The following AMPH variants were observed in gnomAD, a reference collection of about 807,000 sequenced individuals.
AMPH encodes amphiphysin.
AMPH carries 49 observed loss-of-function variants against 99.1 expected under a neutral mutation model. The observed-to-expected ratio is 0.49, with a 90% confidence interval of 0.39 to 0.63. The LOEUF is 0.63. Among genes scored for constraint, AMPH ranks in the 20% least tolerant of loss-of-function variants. The probability of loss-of-function intolerance (pLI) is 0.00; values close to 1 mark genes in which losing one functional copy is unlikely to be tolerated. For synonymous variants in AMPH, 314 were observed against 317.3 expected (o/e 0.99, Z 0.11); for missense variants, 759 against 863.4 (o/e 0.88, Z 1.52).
Position 38,494,559 on chromosome 7 carries a change from C to T in AMPH, c.206-32G>A, listed in dbSNP as rs1193255889. ...TTGGAGAGAAACAACTCCCGTTACA[C>T]AGAAATGAGTGAGGATTCTCTTCTC... On this transcript the variant is annotated intron_variant, in intron 3 of 20. Coordinates refer to ENST00000356264, the MANE Select transcript of AMPH (RefSeq NM_001635.4). The T allele has an allele frequency of 3.8e-6, 6 of 1,573,576 alleles. No homozygotes were observed. The Admixed American group carries it at 1.0e-4, about 26-fold the overall frequency.
At chr7:38,454,009 C>A (rs1325628847) in intron 11 of AMPH, among the ~76,000 whole-genome samples, 1 of 152,234 alleles carries the variant, frequency 6.6e-6, no homozygotes, top group Non-Finnish European at 1.5e-5. Flanking sequence ...GGCACTAAGA[C>A]AGCTATCCCT....
At chr7:38,586,563 C>CAAAT (rs1562845621) in intron 1 of AMPH, among the ~76,000 whole-genome samples, 1 of 151,582 alleles carries the variant, frequency 6.6e-6, no homozygotes, top group Non-Finnish European at 1.5e-5. Context: ...GATCTTTTCT[C>CAAAT]ATATATATAT....
chr7:38,572,645 T>G (rs1468071268), intron 1 of AMPH, among the ~76,000 whole-genome samples: 1 of 152,158 alleles, frequency 6.6e-6, no homozygotes, highest in Admixed American at 6.5e-5. Flanking sequence ...TGAAAGAAGC[T>G]GGCACCAGAA....
intron 1 of AMPH, among the ~76,000 whole-genome samples, chr7:38,540,174 G>T (rs536683312): frequency 6.6e-6 from 1 of 152,272 alleles, no homozygotes. Flanking sequence ...TCAGTGCCTC[G>T]TGCATTTTGG....
chr7:38,433,175 G>T lies in AMPH; in HGVS notation c.1135-963C>A, dbSNP rs149985125. ...GTTGAGATTGCAGAGGCCTCATTTG[G>T]GCTCCGTATTATAGAAAGCAGGCCC... On this transcript the variant is annotated intron_variant, in intron 12 of 20. Coordinates refer to ENST00000356264, the MANE Select transcript of AMPH (RefSeq NM_001635.4). Among the ~76,000 whole-genome samples the T allele has an allele frequency of 9.7e-4, 147 of 152,212 alleles. 1 individual carries two copies. The highest frequency in any genetic ancestry group is 3.3e-3 in the African/African-American group (139 of 41,532).
intron 1 of AMPH, among the ~76,000 whole-genome samples, chr7:38,570,287 A>G (rs921089185): frequency 1.3e-5 from 2 of 152,214 alleles, no homozygotes; most frequent in Admixed American, 1.3e-4. Flanking sequence ...TTTATTTTGC[A>G]GATTAGTGAG....
intron 2 of AMPH, among the ~76,000 whole-genome samples, chr7:38,518,044 C>T (rs1015608096): frequency 1.3e-5 from 2 of 152,144 alleles, no homozygotes; most frequent in Non-Finnish European, 2.9e-5. Context: ...GACTCTGCTC[C>T]CCACTTCTCA....
chr7:38,543,709 A>C (rs962114752), intron 1 of AMPH, among the ~76,000 whole-genome samples: 1 of 152,166 alleles, frequency 6.6e-6, no homozygotes, highest in African/African-American at 2.4e-5. Context: ...AGTTTATGTA[A>C]GGCTAGGATT....
chr7:38,429,898 C>T (rs375405971), intron 13 of AMPH, 33 bp from the exon 14 acceptor site: 58 of 1,590,212 alleles, frequency 3.6e-5, no homozygotes, highest in South Asian at 9.1e-5. Flanking sequence ...AACAATAAGG[C>T]GAGAGAGAAA....
chr7:38,606,270 G>A (rs750408291), intron 1 of AMPH, among the ~76,000 whole-genome samples: 12 of 152,114 alleles, frequency 7.9e-5, no homozygotes, highest in Non-Finnish European at 1.8e-4. Context: ...GTGTAACTCA[G>A]GGGTATTTAG....
At chr7:38,477,944 G>A (rs1232147218) in intron 5 of AMPH, among the ~76,000 whole-genome samples, 1 of 152,054 alleles carries the variant, frequency 6.6e-6, no homozygotes, top group East Asian at 1.9e-4. Flanking sequence ...CCCAAGACCT[G>A]ACTCCTACAA....
At chr7:38,525,905 G>A (rs1015940491) in intron 2 of AMPH, among the ~76,000 whole-genome samples, 3 of 152,144 alleles carry the variant, frequency 2.0e-5, no homozygotes, top group South Asian at 4.1e-4. Flanking sequence ...AGCTGCTAAG[G>A]GCATTTGTGA....
intron 3 of AMPH, among the ~76,000 whole-genome samples, chr7:38,496,514 C>T (rs796333210): frequency 6.6e-6 from 1 of 152,146 alleles, no homozygotes; most frequent in South Asian, 2.1e-4. Context: ...TGACTCAAGA[C>T]TCTGGGGACT....
At chr7:38,454,822 T>C (rs1022454254) in intron 11 of AMPH, among the ~76,000 whole-genome samples, 1 of 152,226 alleles carries the variant, frequency 6.6e-6, no homozygotes, top group African/African-American at 2.4e-5. Flanking sequence ...TGGAAGCAAC[T>C]TGTGGCCAAT....
chr7:38,626,626 T>C (rs559786438), intron 1 of AMPH, among the ~76,000 whole-genome samples: 75 of 152,288 alleles, frequency 4.9e-4, no homozygotes, highest in Non-Finnish European at 9.8e-4. Context: ...ACTCAGGACA[T>C]AGGCATGGGC....
At chr7:38,423,454 T>C (rs1188337165) in intron 15 of AMPH, among the ~76,000 whole-genome samples, 1 of 152,212 alleles carries the variant, frequency 6.6e-6, no homozygotes, top group Non-Finnish European at 1.5e-5. Flanking sequence ...ACGGAAAAGA[T>C]GAGCCAGTGC....
chr7:38,407,232 T>G (rs1342469730), intron 17 of AMPH, among the ~76,000 whole-genome samples: 1 of 148,524 alleles, frequency 6.7e-6, no homozygotes, highest in Non-Finnish European at 1.5e-5. Flanking sequence ...GATAGATAGA[T>G]ATAGAGATAT....
At chr7:38,511,176 A>G (rs1205756424) in intron 2 of AMPH, among the ~76,000 whole-genome samples, 3 of 152,194 alleles carry the variant, frequency 2.0e-5, no homozygotes, top group African/African-American at 4.8e-5. Context: ...GCACTCAGGA[A>G]ATGCTGGATA....
At chr7:38,574,193 A>C (rs543276381) in intron 1 of AMPH, among the ~76,000 whole-genome samples, 1 of 152,326 alleles carries the variant, frequency 6.6e-6, no homozygotes, top group South Asian at 2.1e-4. Flanking sequence ...TTTATCACAT[A>C]TATTCTTATT....
Sources: gnomAD v4.1 joint callset for allele counts (sites outside exome capture counted in the v4.1 genomes callset) on GRCh38, gnomAD v4.1.1 for gene constraint, MANE v1.5 for transcripts, NCBI Gene and HGNC (gene_info 2026-07-23, HGNC 2026-07-21) for gene names.